Variants in DYNC1H1 observed in about 807,000 individuals in gnomAD.
DYNC1H1 encodes cytoplasmic dynein 1 heavy chain 1.
A neutral mutation model predicts 527.1 loss-of-function variants in DYNC1H1; 51 were observed. The ratio of observed to expected loss-of-function variants is 0.10; its 90% confidence interval spans 0.08 to 0.12. The LOEUF (loss-of-function observed/expected upper bound fraction) is 0.12, where lower values mean the gene tolerates loss of function less well. Among genes scored for constraint, DYNC1H1 ranks in the 10% least tolerant of loss-of-function variants. The pLI is 1.00. For missense variants in DYNC1H1, 2,771 were observed against 5,971.8 expected, an observed-to-expected ratio of 0.46 and a Z score of 17.66; for synonymous variants, 2,189 against 2,278.8, an observed-to-expected ratio of 0.96 and a Z score of 1.12.
Position 102,052,816 on chromosome 14 carries a change from G to C in DYNC1H1, c.*2253G>C, listed in dbSNP as rs1460301858. On this transcript the variant is annotated 3_prime_UTR_variant, in exon 78 of 78. Coordinates refer to ENST00000360184, the MANE Select transcript of DYNC1H1 (RefSeq NM_001376.5). ...GCTTCCAGGGACACGGGCCCAGCTG[G>C]CCACTTCTATGACAAGAATGTGGGT... 2.0e-5 allele frequency: 3 copies of C among 152,258 alleles called. No homozygotes were observed. Among genetic ancestry groups the C allele is most frequent in the Non-Finnish European group, 4.4e-5 (3 of 68,086 alleles). 9.4% of individuals were successfully genotyped at this position (152,258 alleles called of 1,614,324 possible).
chr14:102,050,758 G>A lies in DYNC1H1; in HGVS notation c.*195G>A, dbSNP rs1010116370. The A allele has an allele frequency of 1.6e-5, 13 of 791,456 alleles. No individual in the cohort carries two copies. Among genetic ancestry groups the A allele is most frequent in the South Asian group, 4.9e-5 (3 of 61,092 alleles). 49.0% of individuals were successfully genotyped at this position (791,456 alleles called of 1,614,324 possible). ...GGAGGTATTTGGGAAGGCCAATGGC[G>A]TGGCTCCTTTGAGGAAATAAAACAC... On this transcript the variant is annotated 3_prime_UTR_variant, in exon 78 of 78. Coordinates refer to ENST00000360184, the MANE Select transcript of DYNC1H1 (RefSeq NM_001376.5).
rs1002716331 is a variant in DYNC1H1, at chr14:102,056,167, G to C, written c.*5604G>C. ...GCCTAAACCTAGTCGTTAAAAATCA[G>C]CTCATGACTTAGAACCCGATGTTAC... is the stretch of plus-strand genomic sequence containing the variant. On this transcript the variant is annotated 3_prime_UTR_variant, in exon 78 of 78. Transcript: ENST00000360184. 1.3e-5 allele frequency: 2 copies of C among 152,160 alleles called. No homozygotes were observed. The highest frequency in any genetic ancestry group is 4.8e-5 in the African/African-American group (2 of 41,420). 9.4% of individuals were successfully genotyped at this position (152,160 alleles called of 1,614,324 possible). A position where few individuals can be genotyped will look rare whatever the true frequency, so the allele number is the denominator to read the frequency against.
Position 101,994,988 on chromosome 14 carries a change from A to G in DYNC1H1, c.3336A>G (p.Val1112=). Reference sequence around the variant, plus strand: ...GTTGTGTGCTATTTCACCCTCAGGTACAATCTAAGGTGAACTTGAAATATG... The same window carrying G: ...GTTGTGTGCTATTTCACCCTCAGGTGCAATCTAAGGTGAACTTGAAATATG... The part of the protein sequence containing the change: ...FGPVVIDYGK[V]QSKVNLKYDS... Residue 1112 remains valine, a splice_region_variant and synonymous_variant, in exon 14 of 78, where the codon GTA becomes GTG. Transcript: ENST00000360184. 6.2e-7 allele frequency: 1 copy of G among 1,614,194 alleles called. No homozygotes were observed. The highest frequency in any genetic ancestry group is 8.5e-7 in the Non-Finnish European group (1 of 1,179,994).
At chr14:101,987,425 TTTAAATA>T (rs2047949381) in intron 8 of DYNC1H1, 21 bp from the exon 9 acceptor site, 1 of 1,605,348 alleles carries the variant, frequency 6.2e-7, no homozygotes, top group African/African-American at 1.3e-5. Context: ...GAGTGGGTGT[TTTAAATA>T]TTAAATATTT....
In DYNC1H1 at chr14:102,036,288, A is replaced by G. The variant is rs17541484; in HGVS notation, c.10755-201A>G. ...TGACTCAAGCTACCTCCTCATGCCA[A>G]TAGTTGTTCAAAAGGATGAGGTGAT... On this transcript the variant is annotated intron_variant, in intron 56 of 77. Transcript: ENST00000360184. The surrounding 1 kb of genome is among the most constrained non-coding windows in gnomAD (Gnocchi z 5.6). 392 of 605,780 alleles carry G rather than the reference A, an allele frequency of 6.5e-4. No individual in the cohort carries two copies. The highest frequency in any genetic ancestry group is 6.3e-3 in the African/African-American group (346 of 54,724). The allele number at this position is 605,780 out of a possible 1,614,324, so 37.5% of individuals were successfully genotyped here.
Position 102,010,221 on chromosome 14 carries a change from A to G in DYNC1H1, c.6222-55A>G. The stretch of plus-strand genomic sequence containing the variant: ...CTCTGGTTTCTTGACACTTGACCCT[A>G]TTATTGCTTAAAGTATACTGTTATT... On this transcript the variant is annotated intron_variant, in intron 30 of 77. Coordinates refer to ENST00000360184, the MANE Select transcript of DYNC1H1 (RefSeq NM_001376.5). This position sits in a 1 kb window ranked among gnomAD's most constrained non-coding sequence, Gnocchi z 6.0. 1.9e-6 allele frequency: 3 copies of G among 1,613,084 alleles called. No homozygotes were observed. The highest frequency in any genetic ancestry group is 2.5e-6 in the Non-Finnish European group (3 of 1,179,694).
chr14:102,002,388 G>A lies in DYNC1H1; in HGVS notation c.4543-149G>A, dbSNP rs2048142135. The stretch of plus-strand genomic sequence containing the variant: ...GGCCTCCCAAAATGCTGGGATTACA[G>A]GCGTGAGCCACCACACCCGTCTACT... On this transcript the variant is annotated intron_variant, in intron 21 of 77. Transcript: ENST00000360184. This position sits in a 1 kb window ranked among gnomAD's most constrained non-coding sequence, Gnocchi z 4.4. The A allele has an allele frequency of 1.8e-6, 2 of 1,087,060 alleles. No homozygotes were observed. Among genetic ancestry groups the A allele is most frequent in the Non-Finnish European group, 2.7e-6 (2 of 732,540 alleles). The allele number at this position is 1,087,060 out of a possible 1,614,324, so 67.3% of individuals were successfully genotyped here.
rs1567022378 is a variant in DYNC1H1, at chr14:102,041,891, G to A, written c.12103-122G>A. ...GATTCTCAACTCCTGGCTGCATGGT[G>A]CCCACACCTCTGGGCCCAGAAAGAA... is the stretch of plus-strand genomic sequence containing the variant. On this transcript the variant is annotated intron_variant, in intron 65 of 77. Transcript: ENST00000360184. This position sits in a 1 kb window ranked among gnomAD's most constrained non-coding sequence, Gnocchi z 4.5. 17 of 1,493,470 alleles carry A rather than the reference G, an allele frequency of 1.1e-5. No homozygotes were observed. The highest frequency in any genetic ancestry group is 1.5e-5 in the Non-Finnish European group (16 of 1,087,656). 92.5% of individuals were successfully genotyped at this position (1,493,470 alleles called of 1,614,324 possible).
At chr14:101,998,352 T>C (rs2048088953) in intron 16 of DYNC1H1, among the ~76,000 whole-genome samples, 2 of 151,646 alleles carry the variant, frequency 1.3e-5, no homozygotes, top group Non-Finnish European at 2.9e-5. Context: ...CCTGGACCCC[T>C]CTCCCCTCTA....
Position 102,017,499 on chromosome 14 carries a change from A to G in DYNC1H1, c.8172A>G (p.Ser2724=). The change falls in exon 40 of 78, where the codon TCA becomes TCG. Residue 2724 remains serine, a synonymous_variant. Transcript: ENST00000360184. The surrounding 1 kb of genome is among the most constrained non-coding windows in gnomAD (Gnocchi z 4.6). ...CAGACCCTGGAAGAAAGCCCCTCTC[A>G]CACAGGTAAAACAGCTCGGTAGACT... ...PPTDPGRKPL[S]HRFLRHVPVV... The G allele has an allele frequency of 6.2e-7, 1 of 1,614,118 alleles. No individual in the cohort carries two copies. Among genetic ancestry groups the G allele is most frequent in the Non-Finnish European group, 8.5e-7 (1 of 1,180,020 alleles).
chr14:102,050,062 G>A lies in DYNC1H1; in HGVS notation c.13685-9G>A, dbSNP rs774759609. 18 of 1,614,090 alleles carry A rather than the reference G, an allele frequency of 1.1e-5. No individual in the cohort carries two copies. Among genetic ancestry groups the A allele is most frequent in the Admixed American group, 5.0e-5 (3 of 60,016 alleles). On this transcript the variant is annotated splice_polypyrimidine_tract_variant and intron_variant, in intron 76 of 77. Transcript: ENST00000360184. ...CACCTCAGCCTGGGTTTTGGCTTCC[G>A]CCTCACAGGTTTGAAACTTCAAGGG...
Position 101,997,037 on chromosome 14 carries a change from C to G in DYNC1H1, c.3567C>G (p.Leu1189=), listed in dbSNP as rs768408452. 2 of 1,613,960 alleles carry G rather than the reference C, an allele frequency of 1.2e-6. No homozygotes were observed. Among genetic ancestry groups the G allele is most frequent in the East Asian group, 4.5e-5 (2 of 44,884 alleles). The change falls in exon 16 of 78, where the codon CTC becomes CTG. Residue 1189 remains leucine (L), a splice_region_variant and synonymous_variant. Coordinates refer to ENST00000360184, the MANE Select transcript of DYNC1H1 (RefSeq NM_001376.5). This position sits in a 1 kb window ranked among gnomAD's most constrained non-coding sequence, Gnocchi z 4.8. ...GATTTATTTTTTAACTCTCAAAGCTCTACCGCAATGGCCAGCGCTTACTGG... is the reference window on the plus strand; with the variant it reads ...GATTTATTTTTTAACTCTCAAAGCTGTACCGCAATGGCCAGCGCTTACTGG... ...KIKQFEKQVE[L]YRNGQRLLEK...
Position 102,004,650 on chromosome 14 carries a change from T to A in DYNC1H1, c.5016T>A (p.Val1672=), listed in dbSNP as rs1432449737. Reference sequence around the variant, plus strand: ...TCATCCTGAACGAGGATAACTCTGTTGTTTTGGGTATTTCATCTCGGGAAG... The same window carrying A: ...TCATCCTGAACGAGGATAACTCTGTAGTTTTGGGTATTTCATCTCGGGAAG... ...SSIILNEDNS[V]VLGISSREGE... is the part of the protein sequence containing the mutation. The change falls in exon 24 of 78, where the codon GTT becomes GTA. Residue 1672 remains valine, a synonymous_variant. Transcript: ENST00000360184. 2 of 1,614,240 alleles carry A rather than the reference T, an allele frequency of 1.2e-6. No homozygotes were observed. The highest frequency in any genetic ancestry group is 1.7e-6 in the Non-Finnish European group (2 of 1,180,052).
chr14:102,043,393 G>GT (rs1445212170), intron 69 of DYNC1H1: 4 of 262,496 alleles, frequency 1.5e-5, no homozygotes, highest in South Asian at 1.3e-4. Context: ...TTGATTATGG[G>GT]GTGTGATGAG....
chr14:102,032,943 A>C, intron 52 of DYNC1H1, 122 bp from the exon 53 acceptor site: 1 of 976,756 alleles, frequency 1.0e-6, no homozygotes, highest in Non-Finnish European at 1.6e-6. Flanking sequence ...GCTCATCCCC[A>C]GTGGTCAGTC....
chr14:102,027,575 G>T lies in DYNC1H1; in HGVS notation c.9048+31G>T. On this transcript the variant is annotated intron_variant, in intron 46 of 77. Transcript: ENST00000360184. The surrounding 1 kb of genome is among the most constrained non-coding windows in gnomAD (Gnocchi z 7.7). Reference sequence around the variant, plus strand: ...TAGGTGACGTGTTGCGTTGCATTACGTGTTACCGGGGGACCAGTAAGTCAG... The same window carrying T: ...TAGGTGACGTGTTGCGTTGCATTACTTGTTACCGGGGGACCAGTAAGTCAG... 1 of 1,614,176 alleles carries T rather than the reference G, an allele frequency of 6.2e-7. No individual in the cohort carries two copies. Among genetic ancestry groups the T allele is most frequent in the Middle Eastern group, 1.6e-4 (1 of 6,062 alleles).
At position 102,049,486 on chromosome 14, in the gene DYNC1H1, G is replaced by T; in HGVS notation, c.13419G>T (p.Met4473Ile). The change falls in exon 75 of 78, where the codon ATG becomes ATT. Residue 4473 changes from methionine to isoleucine, a missense_variant. Around this residue, in one of 32 missense-constraint regions of DYNC1H1, gnomAD observed 170 missense variants for 249.8 expected, o/e 0.68. Transcript: ENST00000360184. This position sits in a 1 kb window ranked among gnomAD's most constrained non-coding sequence, Gnocchi z 5.5. ...CCCACTACACGGTGCCTGCCGGCAT[G>T]ACCGTCATCCAGTGGGTGTCCGACT... ...SWSHYTVPAG[M>I]TVIQWVSDFS... 2 of 1,614,190 alleles carry T rather than the reference G, an allele frequency of 1.2e-6. No individual in the cohort carries two copies. The highest frequency in any genetic ancestry group is 2.2e-5 in the South Asian group (2 of 91,064).
chr14:101,974,208 G>A lies in DYNC1H1; in HGVS notation c.257-1504G>A, dbSNP rs542980806. Among the ~76,000 whole-genome samples the A allele has an allele frequency of 1.8e-3, 278 of 152,090 alleles. 1 individual carries two copies. Among genetic ancestry groups the A allele is most frequent in the African/African-American group, 6.5e-3 (270 of 41,478 alleles). On this transcript the variant is annotated intron_variant, in intron 1 of 77. Transcript: ENST00000360184. ...TCCGCCTCCTGGGTTCAAGCGATTCGCCTGCCTCAGCTTCCCGAGTAGCTG... is the reference window on the plus strand; with the variant it reads ...TCCGCCTCCTGGGTTCAAGCGATTCACCTGCCTCAGCTTCCCGAGTAGCTG...
Position 102,007,054 on chromosome 14 carries a change from T to C in DYNC1H1, c.5763T>C (p.His1921=). 1 of 1,614,232 alleles carries C rather than the reference T, an allele frequency of 6.2e-7. No homozygotes were observed. Among genetic ancestry groups the C allele is most frequent in the East Asian group, 2.2e-5 (1 of 44,894 alleles). ...GKTESVKALG[H]QLGRFVLVFN... ...CAGAGTCTGTCAAAGCTCTTGGCCATCAGCTTGGACGGTTTGTTTTAGTTT... is the reference window on the plus strand; with the variant it reads ...CAGAGTCTGTCAAAGCTCTTGGCCACCAGCTTGGACGGTTTGTTTTAGTTT... The change falls in exon 28 of 78, where the codon CAT becomes CAC. Residue 1921 remains histidine (H), a synonymous_variant. Transcript: ENST00000360184.
Sources: gnomAD v4.1 joint callset for allele counts (sites outside exome capture counted in the v4.1 genomes callset) on GRCh38, gnomAD v4.1.1 for gene constraint, gnomAD v4.1.1 regional missense constraint, Gnocchi (gnomAD v3.1) non-coding constraint, MANE v1.5 for transcripts, NCBI Gene and HGNC (gene_info 2026-07-23, HGNC 2026-07-21) for gene names.